The following PBX1 variants were observed in gnomAD, a reference collection of about 807,000 sequenced individuals.
PBX1 encodes pre-B-cell leukemia transcription factor 1.
PBX1 carries 6 observed loss-of-function variants against 53.4 expected under a neutral mutation model. That is an observed-to-expected ratio of 0.11 (90% CI 0.06 to 0.22). The LOEUF is 0.22. Ranked by LOEUF, PBX1 falls within the 10% of genes least tolerant of loss-of-function variation. PBX1 has a pLI of 1.00. For missense variants in PBX1, 251 were observed against 551.4 expected, an observed-to-expected ratio of 0.46 and a Z score of 5.46; for synonymous variants, 204 against 212.3, an observed-to-expected ratio of 0.96 and a Z score of 0.34.
intron 2 of PBX1, among the ~76,000 whole-genome samples, chr1:164,867,842 G>C (rs1258227693): frequency 1.3e-5 from 2 of 152,246 alleles, no homozygotes; most frequent in African/African-American, 4.8e-5. Context: ...CCAGCCCGCA[G>C]CTTTTGCAGG....
intron 2 of PBX1, among the ~76,000 whole-genome samples, chr1:164,652,656 G>A (rs1659900880): frequency 6.6e-6 from 1 of 152,026 alleles, no homozygotes; most frequent in African/African-American, 2.4e-5. Context: ...GAGGTGGGAG[G>A]AAGTTAAAAG....
At chr1:164,611,398 C>T (rs182914072) in intron 2 of PBX1, among the ~76,000 whole-genome samples, 28 of 152,102 alleles carry the variant, frequency 1.8e-4, no homozygotes, top group Admixed American at 1.3e-4. Context: ...CCACCACGCC[C>T]GGCTAATTTT....
intron 2 of PBX1, among the ~76,000 whole-genome samples, chr1:164,763,331 C>T (rs1666903858): frequency 1.3e-5 from 2 of 152,192 alleles, no homozygotes; most frequent in South Asian, 4.1e-4. Context: ...TCCAGCCATT[C>T]CATCTGCATT....
intron 8 of PBX1, among the ~76,000 whole-genome samples, chr1:164,841,394 G>A (rs1671284320): frequency 6.6e-6 from 1 of 152,176 alleles, no homozygotes; most frequent in Admixed American, 6.5e-5. Flanking sequence ...CGGCAGAGCT[G>A]CTGAGGACAT....
chr1:164,711,007 T>A (rs1663734325), intron 2 of PBX1, among the ~76,000 whole-genome samples: 1 of 152,164 alleles, frequency 6.6e-6, no homozygotes, highest in African/African-American at 2.4e-5. Flanking sequence ...CATCTGCTGC[T>A]CAATGCAGGG....
chr1:164,872,634 T>C lies in PBX1; in HGVS notation n.258-26554T>C, dbSNP rs79905438. On this transcript the variant is annotated intron_variant and non_coding_transcript_variant, in intron 2 of 2. Transcript: ENST00000558796. ...CTTTGTTCCAGACAATGCACTTGCC[T>C]TTATGCCGCCTAAGACTGCATTTGC... is the stretch of plus-strand genomic sequence containing the variant. Among the ~76,000 whole-genome samples, 1,242 of 152,330 alleles carry C rather than the reference T, an allele frequency of 8.2e-3. 13 individuals are homozygous for C. The highest frequency in any genetic ancestry group is 0.036 in the South Asian group (176 of 4,828).
intron 2 of PBX1, among the ~76,000 whole-genome samples, chr1:164,779,500 A>T (rs904095790): frequency 6.6e-6 from 1 of 152,204 alleles, no homozygotes; most frequent in Non-Finnish European, 1.5e-5. Context: ...ATAAGTGGAC[A>T]TGACCAGTCT....
chr1:164,881,330 AAAGAAGG>A (rs1372223550), intron 2 of PBX1, among the ~76,000 whole-genome samples: 1 of 50,460 alleles, frequency 2.0e-5, no homozygotes, highest in African/African-American at 4.6e-5. Context: ...GGAAGGAGGA[AAAGAAGG>A]AAGGAAGGAA....
chr1:164,876,678 A>G (rs1008119122), intron 2 of PBX1, among the ~76,000 whole-genome samples: 17 of 152,268 alleles, frequency 1.1e-4, no homozygotes, highest in African/African-American at 4.1e-4. Context: ...ATAAAGCCGA[A>G]TGCATTACTA....
intron 6 of PBX1, chr1:164,816,145 A>G (rs1327380216): frequency 1.3e-5 from 2 of 152,194 alleles, no homozygotes; most frequent in African/African-American, 4.8e-5. Context: ...AGTGAAAACA[A>G]TTTGTCCTGG....
At chr1:164,785,213 C>G (rs1453735471) in intron 2 of PBX1, among the ~76,000 whole-genome samples, 1 of 152,148 alleles carries the variant, frequency 6.6e-6, no homozygotes, top group Admixed American at 6.5e-5. Flanking sequence ...GTAATGCTGA[C>G]TTGTAAAATT....
chr1:164,742,124 A>C (rs1329585905), intron 2 of PBX1, among the ~76,000 whole-genome samples: 1 of 152,216 alleles, frequency 6.6e-6, no homozygotes, highest in Non-Finnish European at 1.5e-5. Flanking sequence ...GAGAAACTGC[A>C]GATTAGGGAA....
chr1:164,752,052 TG>T (rs10711059), intron 2 of PBX1, among the ~76,000 whole-genome samples: 13,378 of 152,046 alleles, frequency 0.088, 895 homozygotes, highest in South Asian at 0.18. Context: ...TTCTAAAAAC[TG>T]GCTGTCTGTA....
chr1:164,581,396 T>A (rs1025242368), intron 2 of PBX1, among the ~76,000 whole-genome samples: 6 of 152,086 alleles, frequency 3.9e-5, no homozygotes, highest in Admixed American at 1.3e-4. Context: ...CCTGGCTAAT[T>A]TTTGTATTTT....
At chr1:164,588,819 C>T (rs181172118) in intron 2 of PBX1, among the ~76,000 whole-genome samples, 11 of 152,256 alleles carry the variant, frequency 7.2e-5, no homozygotes, top group African/African-American at 2.4e-4. Flanking sequence ...AAGCTCAGCC[C>T]CCTTTATCCC....
At position 164,599,424 on chromosome 1, in the gene PBX1, A is replaced by T. The variant is rs557082114; in HGVS notation, c.265+36113A>T. Among the ~76,000 whole-genome samples, 4 of 151,374 alleles carry T rather than the reference A, an allele frequency of 2.6e-5. No individual in the cohort carries two copies. In the South Asian group the frequency reaches 6.4e-4, roughly 24 times the overall value. Reference sequence around the variant, plus strand: ...AATCTGCAATTGTGGGCGCATATTTACCTTGTTATTTTTTACAGTATTCCC... The same window carrying T: ...AATCTGCAATTGTGGGCGCATATTTTCCTTGTTATTTTTTACAGTATTCCC... On this transcript the variant is annotated intron_variant, in intron 2 of 8. Coordinates refer to ENST00000420696, the MANE Select transcript of PBX1 (RefSeq NM_002585.4).
intron 2 of PBX1, among the ~76,000 whole-genome samples, chr1:164,633,675 C>T (rs895226232): frequency 1.3e-5 from 2 of 152,178 alleles, no homozygotes; most frequent in African/African-American, 2.4e-5. Context: ...AGAGCATGGA[C>T]TCTAGACTGT....
chr1:164,700,626 C>G, intron 2 of PBX1: 1 of 985,272 alleles, frequency 1.0e-6, no homozygotes, highest in Non-Finnish European at 1.2e-6. Context: ...GTGCATGGTA[C>G]AGAGGTAATA....
intron 2 of PBX1, among the ~76,000 whole-genome samples, chr1:164,767,973 G>A (rs1667154904): frequency 6.6e-6 from 1 of 151,714 alleles, no homozygotes; most frequent in African/African-American, 2.4e-5. Flanking sequence ...TCTGAAAAGG[G>A]AGGATATTTT....
Sources: allele counts gnomAD v4.1 joint callset (sites outside exome capture counted in the v4.1 genomes callset), GRCh38; gene constraint gnomAD v4.1.1; transcripts MANE v1.5; gene names NCBI Gene and HGNC (gene_info 2026-07-23, HGNC 2026-07-21).